Variants in MAP4 observed in about 807,000 individuals in gnomAD.
The protein encoded by MAP4 is microtubule-associated protein 4.
MAP4 carries 76 observed loss-of-function variants against 170.2 expected under a neutral mutation model. That is an observed-to-expected ratio of 0.45 (90% CI 0.37 to 0.54). The LOEUF (loss-of-function observed/expected upper bound fraction) is 0.54. Ranked by LOEUF, MAP4 falls within the 20% of genes least tolerant of loss-of-function variation. The probability of loss-of-function intolerance (pLI) is 0.00; values close to 1 mark genes in which losing one functional copy is unlikely to be tolerated. For missense variants in MAP4, 2,506 were observed against 2,748.0 expected, an observed-to-expected ratio of 0.91 and a Z score of 1.97; for synonymous variants, 909 against 994.5, an observed-to-expected ratio of 0.91 and a Z score of 1.62.
chr3:48,028,046 C>T (rs916235783), intron 1 of MAP4, among the ~76,000 whole-genome samples: 1 of 152,212 alleles, frequency 6.6e-6, no homozygotes, highest in African/African-American at 2.4e-5. Flanking sequence ...AATCCCAGTA[C>T]TTTGGGAGGC....
At chr3:48,017,262 A>G (rs1471594398), upstream of MAP4, among the ~76,000 whole-genome samples, 1 of 152,188 alleles carries the variant, frequency 6.6e-6, no homozygotes, top group African/African-American at 2.4e-5. Flanking sequence ...AAAACCTTAC[A>G]GTTTTGTAGT....
chr3:47,963,265 T>C (rs2100072774), intron 3 of MAP4, among the ~76,000 whole-genome samples: 1 of 152,260 alleles, frequency 6.6e-6, no homozygotes, highest in East Asian at 1.9e-4. Flanking sequence ...TATAATGGGT[T>C]GAACTGTAAG....
At position 47,910,019 on chromosome 3, in the gene MAP4, T is replaced by G; in HGVS notation, c.4402A>C (p.Ile1468Leu). The G allele has an allele frequency of 6.2e-7, 1 of 1,614,006 alleles. No homozygotes were observed. Among genetic ancestry groups the G allele is most frequent in the Non-Finnish European group, 8.5e-7 (1 of 1,179,880 alleles). ...GATTTGGAAATCTGGGCTGGGGCTA[T>G]CTCTTGCCCATTTTTTGCCAAGGTA... ...PDTLAKNGQE[I>L]APAQISKSLM... The change falls in exon 9 of 21, where the codon ATA becomes CTA. Residue 1468 changes from isoleucine (I) to leucine (L), a missense_variant. Transcript: ENST00000683076.
intron 1 of MAP4, among the ~76,000 whole-genome samples, chr3:48,025,463 A>G (rs556879650): frequency 6.2e-4 from 94 of 151,828 alleles, no homozygotes; most frequent in African/African-American, 2.1e-3. Flanking sequence ...TAATTTTTGT[A>G]TTATTAGTAG....
intron 2 of MAP4, among the ~76,000 whole-genome samples, chr3:47,994,336 C>A (rs1327923068): frequency 6.6e-6 from 1 of 152,054 alleles, no homozygotes; most frequent in East Asian, 1.9e-4. Flanking sequence ...ACAAAGAAAA[C>A]CTAGTATGAA....
At chr3:47,912,450 T>C (rs2100036460) in intron 8 of MAP4, 29 bp from the exon 9 acceptor site, 1 of 1,443,964 alleles carries the variant, frequency 6.9e-7, no homozygotes. Context: ...AACTCCTCGT[T>C]ATTGTTTCTT....
chr3:47,915,497 TG>T (rs1048074158), intron 7 of MAP4, among the ~76,000 whole-genome samples: 1 of 151,962 alleles, frequency 6.6e-6, no homozygotes, highest in Non-Finnish European at 1.5e-5. Context: ...AGATTTAAAT[TG>T]GTATGAGGGG....
At chr3:47,921,985 TTGCCAAGGCTGGAGTGCAGTGG>T (rs1408139892) in intron 4 of MAP4, 107 bp from the exon 5 acceptor site, 20 of 625,508 alleles carry the variant, frequency 3.2e-5, no homozygotes, top group Admixed American at 2.6e-4. Context: ...TCTTGCTCTG[TTGCCAAGGCTGGAGTGCAGTGG>T]TGCCATCTTG....
At chr3:47,886,862 T>A (rs2097680112) in intron 10 of MAP4, among the ~76,000 whole-genome samples, 1 of 152,254 alleles carries the variant, frequency 6.6e-6, no homozygotes, top group Non-Finnish European at 1.5e-5. Context: ...CAGCGTTTCA[T>A]CTGCCACTAC....
intron 4 of MAP4, among the ~76,000 whole-genome samples, chr3:47,927,763 C>A (rs978803724): frequency 2.6e-5 from 4 of 152,176 alleles, no homozygotes; most frequent in Non-Finnish European, 5.9e-5. Context: ...GCATAACCCA[C>A]CGCACCTGGT....
chr3:48,081,601 C>A (rs1247694597), intron 1 of MAP4, among the ~76,000 whole-genome samples: 1 of 152,030 alleles, frequency 6.6e-6, no homozygotes, highest in Non-Finnish European at 1.5e-5. Flanking sequence ...GAGAAAGAAG[C>A]AAGGAAGAGA....
At chr3:47,880,755 G>A (rs1053996274) in intron 10 of MAP4, among the ~76,000 whole-genome samples, 1 of 152,080 alleles carries the variant, frequency 6.6e-6, no homozygotes, top group African/African-American at 2.4e-5. Flanking sequence ...AAACCACCAT[G>A]CCCCATCATA....
At chr3:47,948,155 G>A (rs1443036821) in intron 3 of MAP4, among the ~76,000 whole-genome samples, 3 of 150,548 alleles carry the variant, frequency 2.0e-5, no homozygotes, top group African/African-American at 4.9e-5. Context: ...CCGCCACCAC[G>A]CCCGGCTAAT....
intron 3 of MAP4, among the ~76,000 whole-genome samples, chr3:47,959,238 G>A (rs371234415): frequency 2.6e-5 from 4 of 151,972 alleles, no homozygotes; most frequent in African/African-American, 4.8e-5. Flanking sequence ...GAGGCCAAGC[G>A]GGTGGATCAC....
chr3:47,928,383 GA>G, intron 3 of MAP4, 33 bp from the exon 4 acceptor site: 1 of 1,610,860 alleles, frequency 6.2e-7, no homozygotes, highest in Non-Finnish European at 8.5e-7. Context: ...AAAGTTACAA[GA>G]TATTACAGTT....
At chr3:48,000,170 G>A (rs1364948690) in intron 1 of MAP4, among the ~76,000 whole-genome samples, 2 of 139,182 alleles carry the variant, frequency 1.4e-5, no homozygotes, top group Non-Finnish European at 1.5e-5. Context: ...AACCGAGGTT[G>A]CGCCACTGCA....
intron 1 of MAP4, among the ~76,000 whole-genome samples, chr3:48,001,432 A>G (rs561427507): frequency 3.9e-5 from 6 of 152,324 alleles, no homozygotes; most frequent in Admixed American, 3.3e-4. Flanking sequence ...GAGTTTTCCT[A>G]TTTGAAATAA....
Position 48,002,954 on chromosome 3 carries a change from AAAATAAAT to A in MAP4, c.-19-4083_-19-4076del, listed in dbSNP as rs55814118. Among the ~76,000 whole-genome samples the A allele has an allele frequency of 4.9e-3, 706 of 144,752 alleles. 4 individuals carry two copies. The highest frequency in any genetic ancestry group is 6.7e-3 in the Non-Finnish European group (443 of 66,182). The allele number at this position is 144,752 out of a possible 152,430, so 95.0% of individuals were successfully genotyped here. A position where few individuals can be genotyped will look rare whatever the true frequency, so the allele number is the denominator to read the frequency against. On this transcript the variant is annotated intron_variant, in intron 1 of 20. Coordinates refer to ENST00000683076, the MANE Select transcript of MAP4 (RefSeq NM_001385682.1). Reference sequence around the variant, plus strand: ...ACTCTGGCTGTTAACATTAAGGCCAAAAATAAATAAATAAATAAATAAATAAATAAATA... The same window carrying A: ...ACTCTGGCTGTTAACATTAAGGCCAAAAATAAATAAATAAATAAATAAATA...
chr3:48,084,645 A>G (rs1490700595), intron 1 of MAP4, among the ~76,000 whole-genome samples: 3 of 150,916 alleles, frequency 2.0e-5, no homozygotes, highest in Admixed American at 6.6e-5. Flanking sequence ...TGGCACAATC[A>G]TATCACTGGA....
Sources: gnomAD v4.1 joint callset for allele counts (sites outside exome capture counted in the v4.1 genomes callset) on GRCh38, gnomAD v4.1.1 for gene constraint, MANE v1.5 for transcripts, NCBI Gene and HGNC (gene_info 2026-07-23, HGNC 2026-07-21) for gene names.